ITPR1: variants seen among roughly 807,000 people sequenced by gnomAD.
ITPR1 encodes inositol 1,4,5-trisphosphate-gated calcium channel ITPR1.
ITPR1 carries 96 observed loss-of-function variants against 318.4 expected under a neutral mutation model. The ratio of observed to expected loss-of-function variants is 0.30; its 90% CI spans 0.26 to 0.36. The LOEUF is 0.36. Ranked by LOEUF, ITPR1 falls within the 10% of genes least tolerant of loss-of-function variation. The pLI is 1.00. For synonymous variants in ITPR1, 1,312 were observed against 1,289.9 expected (o/e 1.02, Z -0.37); for missense variants, 2,440 against 3,460.2 (o/e 0.71, Z 7.40).
rs2094513850 is a variant in ITPR1 at position 4,693,684 on chromosome 3, C to G, written c.4224C>G (p.Ser1408=). 6.2e-7 allele frequency: 1 copy of G among 1,614,056 alleles called. No homozygotes were observed. The highest frequency in any genetic ancestry group is 8.5e-7 in the Non-Finnish European group (1 of 1,179,928). ...TCTACACAGAGATCAAGTGCAACTC[C>G]CTGCTCCCGCTGGATGACATCGTTC... The part of the protein sequence containing the change: ...KNVYTEIKCN[S]LLPLDDIVRV... The change falls in exon 33 of 62, where the codon TCC becomes TCG. Residue 1408 remains serine (S), a synonymous_variant. Transcript: ENST00000649015.
chr3:4,615,354 C>T (rs1047583938), intron 4 of ITPR1, among the ~76,000 whole-genome samples: 1 of 151,090 alleles, frequency 6.6e-6, no homozygotes, highest in Non-Finnish European at 1.5e-5. Flanking sequence ...GAGGACTTGC[C>T]TTTCCAACTG....
chr3:4,734,619 A>C (rs2043148924), intron 43 of ITPR1, among the ~76,000 whole-genome samples: 1 of 152,240 alleles, frequency 6.6e-6, no homozygotes, highest in Non-Finnish European at 1.5e-5. Flanking sequence ...TCTCTTCTTA[A>C]GTATATTCAT....
At chr3:4,746,647 C>G (rs185346371) in intron 44 of ITPR1, among the ~76,000 whole-genome samples, 1 of 152,216 alleles carries the variant, frequency 6.6e-6, no homozygotes, top group Non-Finnish European at 1.5e-5. Context: ...GTCTTCACTC[C>G]GAGTCCCCTC....
At position 4,717,352 on chromosome 3, in the gene ITPR1, T is replaced by G. The variant is rs770419056; in HGVS notation, c.5104-15T>G. On this transcript the variant is annotated splice_polypyrimidine_tract_variant and intron_variant, in intron 39 of 61. Transcript: ENST00000649015. ...AACATTTCCTTCTCTCTCTCTCCCC[T>G]TTTTTCTTTTCCAGCTAATTTCCAT... 4 of 1,586,324 alleles carry G rather than the reference T, an allele frequency of 2.5e-6. No individual in the cohort carries two copies. The highest frequency in any genetic ancestry group is 1.1e-5 in the South Asian group (1 of 90,656).
At chr3:4,787,704 CA>C (rs1003820839) in intron 51 of ITPR1, among the ~76,000 whole-genome samples, 1 of 151,396 alleles carries the variant, frequency 6.6e-6, no homozygotes, top group Admixed American at 6.6e-5. Context: ...GACTCTGTCT[CA>C]AAAAAATAAA....
rs764767201 is a variant in ITPR1, at chr3:4,684,337, G to A, written c.3555G>A (p.Val1185=). Residue 1185 remains valine, a synonymous_variant, in exon 29 of 62, where the codon GTG becomes GTA. Coordinates refer to ENST00000649015, the MANE Select transcript of ITPR1 (RefSeq NM_001378452.1). Reference sequence around the variant, plus strand: ...GCACCAGCAGCTACAACTACAGAGTGGTCAAAGAGGTAAGCTCCTCCCCCA... The same window carrying A: ...GCACCAGCAGCTACAACTACAGAGTAGTCAAAGAGGTAAGCTCCTCCCCCA... ...HESTSSYNYR[V]VKEILIRLSK... is the part of the protein sequence containing the mutation. 1.3e-5 allele frequency: 21 copies of A among 1,610,824 alleles called. No individual in the cohort carries two copies. The highest frequency in any genetic ancestry group is 2.2e-5 in the East Asian group (1 of 44,830).
At chr3:4,688,198 G>A (rs1045628886) in intron 30 of ITPR1, among the ~76,000 whole-genome samples, 2 of 152,148 alleles carry the variant, frequency 1.3e-5, no homozygotes, top group Admixed American at 1.3e-4. Flanking sequence ...CCTGTCTTTA[G>A]AAGTAGGGGG....
chr3:4,702,997 C>CT (rs766683430), intron 36 of ITPR1, 47 bp downstream of exon 36: 1 of 1,592,186 alleles, frequency 6.3e-7, no homozygotes, highest in South Asian at 1.1e-5. Flanking sequence ...AATGAATTGT[C>CT]TGACAGTAGT....
In ITPR1 at chr3:4,782,749, C is replaced by G; in HGVS notation, c.6510+8C>G. The G allele has an allele frequency of 6.8e-7, 1 of 1,481,074 alleles. No homozygotes were observed. Among genetic ancestry groups the G allele is most frequent in the Non-Finnish European group, 9.0e-7 (1 of 1,109,240 alleles). 91.7% of individuals were successfully genotyped at this position (1,481,074 alleles called of 1,614,324 possible). On this transcript the variant is annotated splice_region_variant and intron_variant, in intron 50 of 61. Transcript: ENST00000649015. ...TACATATTAGCCCATCAGGTATGAT[C>G]TCTCCTGTGCCTCCTCTGGATGCTG...
At chr3:4,605,184 G>C (rs1324501482) in intron 4 of ITPR1, among the ~76,000 whole-genome samples, 1 of 152,080 alleles carries the variant, frequency 6.6e-6, no homozygotes, top group Non-Finnish European at 1.5e-5. Flanking sequence ...TGTTGGCCAG[G>C]CTGTCTAGAA....
At chr3:4,494,129 C>A (rs553042709) in intron 1 of ITPR1, among the ~76,000 whole-genome samples, 1 of 152,210 alleles carries the variant, frequency 6.6e-6, no homozygotes, top group Non-Finnish European at 1.5e-5. Flanking sequence ...ACTTGGCCTT[C>A]TCGCCGGGAA....
At chr3:4,564,383 T>A (rs1482982127) in intron 4 of ITPR1, among the ~76,000 whole-genome samples, 2 of 152,198 alleles carry the variant, frequency 1.3e-5, no homozygotes, top group African/African-American at 2.4e-5. Flanking sequence ...TTTGTACAGG[T>A]GTGGCCTTCT....
chr3:4,706,847 T>A (rs2094768877), intron 37 of ITPR1, among the ~76,000 whole-genome samples: 1 of 152,244 alleles, frequency 6.6e-6, no homozygotes, highest in African/African-American at 2.4e-5. Flanking sequence ...GCTCTCCTTT[T>A]GTTAAAGGGG....
At chr3:4,838,750 A>T (rs2106547642) in intron 61 of ITPR1, among the ~76,000 whole-genome samples, 1 of 152,228 alleles carries the variant, frequency 6.6e-6, no homozygotes, top group South Asian at 2.1e-4. Context: ...TCTCATTGTC[A>T]CACTTGGAGG....
chr3:4,713,364 C>G (rs372854599), intron 39 of ITPR1, among the ~76,000 whole-genome samples: 1 of 152,164 alleles, frequency 6.6e-6, no homozygotes, highest in Non-Finnish European at 1.5e-5. Context: ...TTTCCATAAC[C>G]GAGGTATTTA....
intron 4 of ITPR1, among the ~76,000 whole-genome samples, chr3:4,555,045 C>A (rs1484370350): frequency 6.6e-6 from 1 of 152,144 alleles, no homozygotes; most frequent in African/African-American, 2.4e-5. Context: ...TTCCATCTGT[C>A]ATAGGCTGTG....
chr3:4,825,622 A>G (rs1220781637), intron 60 of ITPR1: 5 of 424,230 alleles, frequency 1.2e-5, no homozygotes, highest in Non-Finnish European at 2.3e-5. Flanking sequence ...TCTGTATTTG[A>G]TAAGATGACA....
intron 8 of ITPR1, 60 bp downstream of exon 8, chr3:4,644,294 C>T (rs1382889907): frequency 2.1e-5 from 24 of 1,156,958 alleles, no homozygotes; most frequent in Non-Finnish European, 2.5e-5. Context: ...GTCTGGCAGG[C>T]GCCAGTGCAT....
chr3:4,846,179 T>TA lies in ITPR1; in HGVS notation c.8232dup (p.Gly2745ArgfsTer18). On this transcript the variant is annotated frameshift_variant, in exon 62 of 62. Coordinates refer to ENST00000649015, the MANE Select transcript of ITPR1 (RefSeq NM_001378452.1). LOFTEE classifies it high-confidence loss of function. The stretch of plus-strand genomic sequence containing the variant: ...AAGCAGAAACAAAGAATTGGTCTTC[T>TA]AGGACATCCTCCTCACATGAATGTC... The TA allele has an allele frequency of 6.4e-7, 1 of 1,570,258 alleles. No homozygotes were observed. The highest frequency in any genetic ancestry group is 8.6e-7 in the Non-Finnish European group (1 of 1,156,642).
Sources: gnomAD v4.1 joint callset for allele counts (sites outside exome capture counted in the v4.1 genomes callset) on GRCh38, gnomAD v4.1.1 for gene constraint, MANE v1.5 for transcripts, NCBI Gene and HGNC (gene_info 2026-07-23, HGNC 2026-07-21) for gene names.